The following XRRA1 variants were observed in gnomAD, a reference collection of about 807,000 sequenced individuals.
The protein encoded by XRRA1 is X-ray radiation resistance associated 1.
In XRRA1, 69 loss-of-function variants were observed where a neutral mutation model predicts 80.2. That is an observed-to-expected ratio of 0.86 (90% CI 0.71 to 1.05). The LOEUF is 1.05. Ranked by LOEUF, XRRA1 falls within the 50% of genes least tolerant of loss-of-function variation. The probability of loss-of-function intolerance (pLI) is 0.00; values close to 1 mark genes in which losing one functional copy is unlikely to be tolerated. For missense variants in XRRA1, 967 were observed against 976.4 expected (o/e 0.99, Z 0.13); for synonymous variants, 348 against 389.9 (o/e 0.89, Z 1.27).
At chr11:74,920,876 G>A (rs1940530300) in intron 8 of XRRA1, among the ~76,000 whole-genome samples, 1 of 152,196 alleles carries the variant, frequency 6.6e-6, no homozygotes, top group Admixed American at 6.5e-5. Context: ...CTCAGCAAAG[G>A]TGCAGAGTGG....
intron 10 of XRRA1, among the ~76,000 whole-genome samples, chr11:74,882,823 GGGGGTCA>G (rs1026685932): frequency 7.3e-5 from 11 of 150,402 alleles, no homozygotes; most frequent in South Asian, 2.1e-4. Flanking sequence ...TAGGCTGCTT[GGGGGTCA>G]GGGGTCAGGG....
chr11:74,884,163 CA>C lies in XRRA1; in HGVS notation c.1004-21143del, dbSNP rs996770201. Among the ~76,000 whole-genome samples, 9 of 148,938 alleles carry C rather than the reference CA, an allele frequency of 6.0e-5. No individual in the cohort carries two copies. The East Asian group carries it at 1.2e-3, about 19-fold the overall frequency. On this transcript the variant is annotated intron_variant, in intron 10 of 18. Transcript: ENST00000684022. ...TGGGTGACAAAGCATTACTCTGTCT[CA>C]AAAAAAAAATTATTTTTTTCCAACA... is the stretch of plus-strand genomic sequence containing the variant.
intron 10 of XRRA1, among the ~76,000 whole-genome samples, chr11:74,868,465 A>T (rs539913503): frequency 3.8e-4 from 58 of 152,366 alleles, no homozygotes; most frequent in African/African-American, 1.4e-3. Context: ...AAGCAACCAC[A>T]TGAACAAGTC....
At chr11:74,946,300 A>G (rs1591692433) in intron 1 of XRRA1, among the ~76,000 whole-genome samples, 1 of 152,186 alleles carries the variant, frequency 6.6e-6, no homozygotes, top group East Asian at 1.9e-4. Context: ...TCCCCACCCA[A>G]ATCTCATCTT....
At position 74,851,125 on chromosome 11, in the gene XRRA1, T is replaced by G. The variant is rs1250735475; in HGVS notation, c.1343A>C (p.Lys448Thr). Residue 448 changes from lysine to threonine, a missense_variant, in exon 14 of 19, where the codon AAG becomes ACG. Coordinates refer to ENST00000684022, the MANE Select transcript of XRRA1 (RefSeq NM_001378157.1). ...HLIRRKIVKPKHHVLMSRKES... is the reference protein window; with the variant it reads ...HLIRRKIVKPTHHVLMSRKES... Reference sequence around the variant, plus strand: ...CTTCCGAGACATCAAAACATGATGCTTAGGCTTTACTATCTTCCTTCGAAT... The same window carrying G: ...CTTCCGAGACATCAAAACATGATGCGTAGGCTTTACTATCTTCCTTCGAAT... 2 of 1,612,916 alleles carry G rather than the reference T, an allele frequency of 1.2e-6. No homozygotes were observed. The highest frequency in any genetic ancestry group is 1.3e-5 in the African/African-American group (1 of 74,992).
At chr11:74,871,985 G>A (rs1416892383) in intron 10 of XRRA1, among the ~76,000 whole-genome samples, 1 of 152,112 alleles carries the variant, frequency 6.6e-6, no homozygotes, top group East Asian at 1.9e-4. Flanking sequence ...TCTTACAGTA[G>A]GCCAAAAAGG....
intron 2 of XRRA1, among the ~76,000 whole-genome samples, chr11:74,942,572 C>T (rs1436992598): frequency 1.3e-5 from 2 of 152,166 alleles, no homozygotes; most frequent in Non-Finnish European, 2.9e-5. Flanking sequence ...CACTTGGCCT[C>T]CACCCTAGTC....
intron 7 of XRRA1, among the ~76,000 whole-genome samples, chr11:74,922,256 CAA>C (rs398016677): frequency 4.3e-5 from 3 of 69,680 alleles, no homozygotes; most frequent in African/African-American, 1.3e-4. Flanking sequence ...GACTCTGCCT[CAA>C]AAAAAAAAAA....
At chr11:74,844,429 C>A in intron 16 of XRRA1, 146 bp from the exon 17 acceptor site, 1 of 634,862 alleles carries the variant, frequency 1.6e-6, no homozygotes, top group Non-Finnish European at 2.8e-6. Context: ...CCCCAGGTTT[C>A]TTCCGGATCT....
intron 7 of XRRA1, among the ~76,000 whole-genome samples, chr11:74,922,637 T>C (rs1941184995): frequency 6.6e-6 from 1 of 152,314 alleles, no homozygotes; most frequent in South Asian, 2.1e-4. Context: ...AGCAAGTCTT[T>C]GGTCAGCCAC....
chr11:74,871,319 C>G (rs1476323776), intron 10 of XRRA1, among the ~76,000 whole-genome samples: 2 of 152,202 alleles, frequency 1.3e-5, no homozygotes, highest in African/African-American at 4.8e-5. Flanking sequence ...GGGATGCTCC[C>G]ATTGTCTTCC....
chr11:74,894,567 AGAAT>A (rs899182174), intron 10 of XRRA1, among the ~76,000 whole-genome samples: 3 of 152,204 alleles, frequency 2.0e-5, no homozygotes, highest in Non-Finnish European at 4.4e-5. Context: ...GGCAGGTGAG[AGAAT>A]GAATGAAGAA....
At chr11:74,875,452 A>G (rs1344484019) in intron 10 of XRRA1, among the ~76,000 whole-genome samples, 1 of 152,194 alleles carries the variant, frequency 6.6e-6, no homozygotes, top group Non-Finnish European at 1.5e-5. Flanking sequence ...CCGCCAGTGG[A>G]AAGTCCTTAA....
intron 10 of XRRA1, among the ~76,000 whole-genome samples, chr11:74,899,824 T>C (rs1215524950): frequency 6.6e-6 from 1 of 152,124 alleles, no homozygotes; most frequent in Non-Finnish European, 1.5e-5. Flanking sequence ...CTACCAAACA[T>C]TTAAAGAACT....
At chr11:74,849,062 C>T (rs984178602) in intron 14 of XRRA1, among the ~76,000 whole-genome samples, 82 of 152,324 alleles carry the variant, frequency 5.4e-4, no homozygotes, top group African/African-American at 2.0e-3. Flanking sequence ...AAGCCTGTGA[C>T]CATTCTCCCT....
At chr11:74,932,336 T>A (rs1943816900) in intron 5 of XRRA1, among the ~76,000 whole-genome samples, 1 of 152,220 alleles carries the variant, frequency 6.6e-6, no homozygotes, top group Non-Finnish European at 1.5e-5. Flanking sequence ...GTTTCCTGTG[T>A]AAGGCTGAGT....
intron 2 of XRRA1, among the ~76,000 whole-genome samples, chr11:74,944,359 C>A (rs1947059347): frequency 6.6e-6 from 1 of 152,326 alleles, no homozygotes; most frequent in South Asian, 2.1e-4. Context: ...CACACGCACA[C>A]ACACATATCC....
At chr11:74,884,471 T>G (rs1316037776) in intron 10 of XRRA1, among the ~76,000 whole-genome samples, 1 of 152,164 alleles carries the variant, frequency 6.6e-6, no homozygotes, top group Non-Finnish European at 1.5e-5. Context: ...TCCTAACCAG[T>G]TTTTAGTGTC....
intron 4 of XRRA1, 114 bp downstream of exon 4, chr11:74,936,770 T>C: frequency 7.5e-7 from 1 of 1,329,934 alleles, no homozygotes; most frequent in South Asian, 1.6e-5. Context: ...CCAATATCAC[T>C]CTAACAGTTT....
Sources: allele counts gnomAD v4.1 joint callset (sites outside exome capture counted in the v4.1 genomes callset), GRCh38; gene constraint gnomAD v4.1.1; transcripts MANE v1.5; gene names NCBI Gene and HGNC (gene_info 2026-07-23, HGNC 2026-07-21).